The following CHEK1 variants were observed in gnomAD, a reference collection of about 807,000 sequenced individuals.
The protein encoded by CHEK1 is serine/threonine-protein kinase Chk1.
In CHEK1, 32 loss-of-function variants were observed where a neutral mutation model predicts 60.2. That is an observed-to-expected ratio of 0.53 (90% CI 0.40 to 0.71). CHEK1 has a LOEUF of 0.71. Among genes scored for constraint, CHEK1 ranks in the 30% least tolerant of loss-of-function variants. The probability of loss-of-function intolerance (pLI) is 0.00; values close to 1 mark genes in which losing one functional copy is unlikely to be tolerated. For missense variants in CHEK1, 399 were observed against 564.6 expected (o/e 0.71, Z 2.97); for synonymous variants, 179 against 187.2 (o/e 0.96, Z 0.36).
At chr11:125,647,600 T>C (rs1433489090) in intron 11 of CHEK1, among the ~76,000 whole-genome samples, 1 of 152,144 alleles carries the variant, frequency 6.6e-6, no homozygotes, top group Non-Finnish European at 1.5e-5. Context: ...TGGGGAGTAT[T>C]TCCATTTTAG....
At chr11:125,679,334 C>T (rs915809428), downstream of CHEK1, among the ~76,000 whole-genome samples, 2 of 150,700 alleles carry the variant, frequency 1.3e-5, no homozygotes, top group African/African-American at 4.9e-5. Flanking sequence ...CCTCCTGCCT[C>T]TGCCTCCCGA....
At chr11:125,660,400 CT>C (rs778341207), downstream of CHEK1, among the ~76,000 whole-genome samples, 2 of 151,656 alleles carry the variant, frequency 1.3e-5, no homozygotes, top group Non-Finnish European at 2.9e-5. Flanking sequence ...TCATTTTTTT[CT>C]TTTTTTAAGA....
intron 1 of CHEK1, 42 bp downstream of exon 1, chr11:125,626,054 A>G: frequency 2.9e-6 from 2 of 687,450 alleles, no homozygotes; most frequent in Non-Finnish European, 5.4e-6. Context: ...GTTTCTAAAG[A>G]AGGAGTTCGG....
chr11:125,633,227 G>A lies in CHEK1; in HGVS notation c.489G>A (p.Leu163=). 1.2e-6 allele frequency: 2 copies of A among 1,605,786 alleles called. No individual in the cohort carries two copies. The highest frequency in any genetic ancestry group is 1.7e-5 in the Admixed American group (1 of 57,356). Reference sequence around the variant, plus strand: ...TTCGGTATAATAATCGTGAGCGTTTGTTGAACAAGATGTGTGGTACTTTAC... The same window carrying A: ...TTCGGTATAATAATCGTGAGCGTTTATTGAACAAGATGTGTGGTACTTTAC... The part of the protein sequence containing the change: ...TVFRYNNRER[L]LNKMCGTLPY... The change falls in exon 6 of 13, where the codon TTG becomes TTA. Residue 163 remains leucine (L), a synonymous_variant. Coordinates refer to ENST00000438015, the MANE Select transcript of CHEK1 (RefSeq NM_001114122.3).
At chr11:125,635,565 G>A (rs181071146) in intron 7 of CHEK1, 32 bp downstream of exon 7, 242 of 1,362,890 alleles carry the variant, frequency 1.8e-4, no homozygotes, top group African/African-American at 5.5e-4. Context: ...AAAGAGTACC[G>A]ATTTCTTGGA....
intron 1 of CHEK1, 144 bp downstream of exon 1, chr11:125,626,156 G>C (rs892389231): frequency 3.3e-6 from 2 of 611,432 alleles, no homozygotes; most frequent in African/African-American, 3.7e-5. Flanking sequence ...GGCGGTTTCG[G>C]AGGGTGGAGG....
intron 13 of CHEK1, among the ~76,000 whole-genome samples, chr11:125,666,060 CTTTG>C (rs1942093356): frequency 6.7e-6 from 1 of 149,584 alleles, no homozygotes; most frequent in African/African-American, 2.4e-5. Context: ...AAATTTGGTT[CTTTG>C]TTTTAGTTCC....
At chr11:125,659,916 CTG>C (rs1353748285), downstream of CHEK1, among the ~76,000 whole-genome samples, 1 of 152,134 alleles carries the variant, frequency 6.6e-6, no homozygotes, top group East Asian at 1.9e-4. Context: ...CATTTTGTCT[CTG>C]TGGATTTGCT....
chr11:125,673,896 T>C (rs1193131482), intron 13 of CHEK1, among the ~76,000 whole-genome samples: 2 of 152,172 alleles, frequency 1.3e-5, no homozygotes, highest in African/African-American at 4.8e-5. Context: ...CAGTGGCTCA[T>C]GCCTGTAATC....
chr11:125,638,748 T>C (rs748347689), intron 8 of CHEK1, among the ~76,000 whole-genome samples: 10 of 152,146 alleles, frequency 6.6e-5, no homozygotes, highest in Non-Finnish European at 1.2e-4. Context: ...GAACCCCAAA[T>C]TAAAATTTCT....
chr11:125,647,141 G>T (rs1941534752), intron 11 of CHEK1, among the ~76,000 whole-genome samples: 1 of 152,022 alleles, frequency 6.6e-6, no homozygotes, highest in African/African-American at 2.4e-5. Context: ...CTTATATTTA[G>T]GTCTTTGTCC....
In CHEK1 at chr11:125,653,964, T is replaced by C; in HGVS notation, c.1335+117T>C. ...AAATAGGTTACTTGCTTTTTTCGTT[T>C]AATATTATGAGCATGTGTTTTCGTT... On this transcript the variant is annotated intron_variant, in intron 12 of 12. Transcript: ENST00000438015. The surrounding 1 kb of genome is among the most constrained non-coding windows in gnomAD (Gnocchi z 4.3). The C allele has an allele frequency of 1.8e-6, 1 of 569,616 alleles. No individual in the cohort carries two copies. Among genetic ancestry groups the C allele is most frequent in the Middle Eastern group, 4.7e-4 (1 of 2,110 alleles). The allele number at this position is 569,616 out of a possible 1,614,324, so 35.3% of individuals were successfully genotyped here.
downstream of CHEK1, among the ~76,000 whole-genome samples, chr11:125,677,336 T>C (rs1426885023): frequency 6.6e-6 from 1 of 152,106 alleles, no homozygotes; most frequent in African/African-American, 2.4e-5. Context: ...TAAAAGAAAA[T>C]AGCTTTACAT....
At chr11:125,650,197 G>T (rs1010574335) in intron 11 of CHEK1, among the ~76,000 whole-genome samples, 1 of 150,826 alleles carries the variant, frequency 6.6e-6, no homozygotes, top group African/African-American at 2.4e-5. Context: ...TATGTTTATT[G>T]TTGGTATACT....
In CHEK1 at chr11:125,633,186, G is replaced by T; in HGVS notation, c.448G>T (p.Gly150Cys). ...AGATAACCTCAAAATCTCAGACTTT[G>T]GCTTGGCAACAGTATTTCGGTATAA... ...ERDNLKISDF[G>C]LATVFRYNNR... is the part of the protein sequence containing the mutation. The change falls in exon 6 of 13, where the codon GGC becomes TGC. Residue 150 changes from glycine to cysteine, a missense_variant. Gly to Cys is a radical substitution (Grantham distance 159). Transcript: ENST00000438015. The T allele has an allele frequency of 1.9e-6, 3 of 1,591,612 alleles. No homozygotes were observed. The highest frequency in any genetic ancestry group is 2.6e-6 in the Non-Finnish European group (3 of 1,173,486).
chr11:125,671,129 A>T (rs951549184), intron 13 of CHEK1, among the ~76,000 whole-genome samples: 25 of 152,110 alleles, frequency 1.6e-4, no homozygotes, highest in Non-Finnish European at 1.3e-4. Context: ...CTGGTCTCAA[A>T]TTATTTTCCT....
chr11:125,644,746 C>T lies in CHEK1; in HGVS notation c.1233+103C>T, dbSNP rs955085479. 19 of 1,293,928 alleles carry T rather than the reference C, an allele frequency of 1.5e-5. No homozygotes were observed. The Middle Eastern group carries it at 8.0e-4, about 54-fold the overall frequency. 80.2% of individuals were successfully genotyped at this position (1,293,928 alleles called of 1,614,324 possible). A position where few individuals can be genotyped will look rare whatever the true frequency, so the allele number is the denominator to read the frequency against. ...TTTTTTAAATATAGGCTGTGGCTCA[C>T]ACCTGTAATCCCAGCTTTTTGGGAG... On this transcript the variant is annotated intron_variant, in intron 11 of 12. Coordinates refer to ENST00000438015, the MANE Select transcript of CHEK1 (RefSeq NM_001114122.3).
chr11:125,661,999 C>T (rs981082950), downstream of CHEK1, among the ~76,000 whole-genome samples: 3 of 152,158 alleles, frequency 2.0e-5, no homozygotes, highest in African/African-American at 7.2e-5. Context: ...ACATTTCCAT[C>T]AGCACCAGAA....
At position 125,669,522 on chromosome 11, in the gene CHEK1, CTTTTTTT is replaced by C. The variant is rs67333022; in HGVS notation, c.*28-6393_*28-6387del. 3.5e-3 allele frequency among the ~76,000 whole-genome samples: 398 copies of C among 114,692 alleles called. 1 individual carries two copies. The highest frequency in any genetic ancestry group is 7.8e-3 in the East Asian group (30 of 3,870). The allele number at this position is 114,692 out of a possible 152,430, so 75.2% of individuals were successfully genotyped here. A position where few individuals can be genotyped will look rare whatever the true frequency, so the allele number is the denominator to read the frequency against. ...ATATTTCTTTTTCTTTTCTTTTTTC[CTTTTTTT>C]TTTTTTTTTTTTGTGATGAAGTCTC... On this transcript the variant is annotated intron_variant, in intron 13 of 13. Transcript: ENST00000428830.
Sources: gnomAD v4.1 joint callset for allele counts (sites outside exome capture counted in the v4.1 genomes callset) on GRCh38, gnomAD v4.1.1 for gene constraint, Gnocchi (gnomAD v3.1) non-coding constraint, MANE v1.5 for transcripts, NCBI Gene and HGNC (gene_info 2026-07-23, HGNC 2026-07-21) for gene names.